Variants in PRRG1 observed in about 807,000 individuals in gnomAD.
PRRG1 encodes transmembrane gamma-carboxyglutamic acid protein 1.
A neutral mutation model predicts 11.8 loss-of-function variants in PRRG1; 5 were observed. That is an observed-to-expected ratio of 0.42 (90% confidence interval 0.22 to 0.89). The LOEUF (loss-of-function observed/expected upper bound fraction) is 0.89. PRRG1 is among the 40% of genes least tolerant of loss of function. PRRG1 has a pLI of 0.28. For synonymous variants in PRRG1, 66 were observed against 60.4 expected (o/e 1.09, Z -0.43); for missense variants, 155 against 166.1 (o/e 0.93, Z 0.37).
At chrX:37,354,673 G>A (rs782387348) in intron 1 of PRRG1, among the ~76,000 whole-genome samples, 22 of 111,042 alleles carry the variant, frequency 2.0e-4, no homozygotes, top group Middle Eastern at 9.3e-3. Context: ...GATTACAGGC[G>A]TGAGCCACCA....
intron 3 of PRRG1, among the ~76,000 whole-genome samples, chrX:37,452,539 G>C (rs1192174240): frequency 1.8e-5 from 2 of 112,097 alleles, no homozygotes; most frequent in Non-Finnish European, 3.8e-5. Flanking sequence ...CCAGCCTGAG[G>C]TCTCTCCTAG....
At chrX:37,361,343 A>G (rs782254907) in intron 1 of PRRG1, among the ~76,000 whole-genome samples, 2,326 of 110,548 alleles carry the variant, frequency 0.021, 24 homozygotes, top group Middle Eastern at 0.042. Flanking sequence ...CTCAGTCAAA[A>G]AAAAAAAAAA....
chrX:37,407,631 G>A (rs1018199453), intron 2 of PRRG1, among the ~76,000 whole-genome samples: 3 of 111,924 alleles, frequency 2.7e-5, no homozygotes, highest in African/African-American at 6.5e-5. Flanking sequence ...GAAAGTTGTC[G>A]TTGGCATAAT....
intron 1 of PRRG1, among the ~76,000 whole-genome samples, chrX:37,381,851 G>A (rs782464592): frequency 1.8e-5 from 2 of 111,382 alleles, no homozygotes; most frequent in African/African-American, 6.5e-5. Flanking sequence ...CACCAATTAA[G>A]TGATATCCAG....
chrX:37,391,964 ATACT>A (rs1689292445), intron 1 of PRRG1, among the ~76,000 whole-genome samples: 1 of 110,164 alleles, frequency 9.1e-6, no homozygotes, highest in African/African-American at 3.3e-5. Flanking sequence ...TGTTTCAATG[ATACT>A]TACACTGGGC....
chrX:37,367,675 C>T (rs1930620368), intron 1 of PRRG1, among the ~76,000 whole-genome samples: 1 of 111,821 alleles, frequency 8.9e-6, no homozygotes, highest in Admixed American at 9.4e-5. Flanking sequence ...ATAAGGTATA[C>T]CTAGTTTCTA....
chrX:37,412,277 G>A (rs1556384074), intron 2 of PRRG1, among the ~76,000 whole-genome samples: 2 of 111,438 alleles, frequency 1.8e-5, no homozygotes, highest in Non-Finnish European at 3.8e-5. Flanking sequence ...TTAGTGGAAG[G>A]CAAGATGGTT....
rs1930151425 is a variant in PRRG1, at chrX:37,353,933, A to G, written c.-42+4538A>G. ...TCTAGCACATAGTAGTGCTTTTAAA[A>G]TGTTAGCTGTTGTTATTTATGTCTG... On this transcript the variant is annotated intron_variant, in intron 1 of 3. Transcript: ENST00000378628. Among the ~76,000 whole-genome samples the G allele has an allele frequency of 1.8e-5, 2 of 112,653 alleles. 1 individual carries two copies. Among genetic ancestry groups the G allele is most frequent in the Admixed American group, 1.9e-4 (2 of 10,709 alleles).
intron 3 of PRRG1, among the ~76,000 whole-genome samples, chrX:37,442,666 C>CT (rs782355325): frequency 3.6e-5 from 4 of 110,861 alleles, no homozygotes; most frequent in Admixed American, 2.9e-4. Context: ...TTCATGAACA[C>CT]TTTTTTTTAA....
intron 1 of PRRG1, among the ~76,000 whole-genome samples, chrX:37,401,664 G>A: frequency 9.0e-6 from 1 of 111,125 alleles, no homozygotes; most frequent in South Asian, 3.9e-4. Context: ...GAAATAAAGG[G>A]TATTCAATTA....
chrX:37,368,171 G>A (rs1569436010), intron 1 of PRRG1, among the ~76,000 whole-genome samples: 1 of 111,975 alleles, frequency 8.9e-6, no homozygotes, highest in Non-Finnish European at 1.9e-5. Flanking sequence ...TGGATGTATT[G>A]TTCTATGAAT....
intron 3 of PRRG1, among the ~76,000 whole-genome samples, chrX:37,437,970 G>C (rs1198926713): frequency 5.4e-5 from 6 of 110,206 alleles, no homozygotes; most frequent in African/African-American, 2.0e-4. Flanking sequence ...TTCTATGGGA[G>C]GCTGAGGTGG....
chrX:37,414,199 A>G (rs1221293651), intron 2 of PRRG1, among the ~76,000 whole-genome samples: 4 of 111,644 alleles, frequency 3.6e-5, no homozygotes, highest in African/African-American at 6.5e-5. Context: ...CCATTTTTAT[A>G]TGCTTGTTTT....
chrX:37,361,317 G>A (rs1930404860), intron 1 of PRRG1, among the ~76,000 whole-genome samples: 1 of 108,368 alleles, frequency 9.2e-6, no homozygotes, highest in Admixed American at 9.7e-5. Flanking sequence ...ACTCCAGCCT[G>A]GGCGACAGAG....
chrX:37,443,383 T>G lies in PRRG1; in HGVS notation c.172-9753T>G, dbSNP rs781798483. The stretch of plus-strand genomic sequence containing the variant: ...CTTATTAGGTATCCAAATGGAAACG[T>G]GAATCAAGTAGATGGAAAAATGAAT... On this transcript the variant is annotated intron_variant, in intron 3 of 3. Transcript: ENST00000378628. 2.7e-5 allele frequency among the ~76,000 whole-genome samples: 3 copies of G among 111,641 alleles called. No individual in the cohort carries two copies. In the South Asian group the frequency reaches 1.1e-3, roughly 43 times the overall value.
intron 1 of PRRG1, among the ~76,000 whole-genome samples, chrX:37,399,880 A>G (rs1931895744): frequency 9.1e-6 from 1 of 109,959 alleles, no homozygotes; most frequent in Admixed American, 9.7e-5. Context: ...CAAAAGAGAC[A>G]AAGAAGGCCA....
rs189332000 is a variant in PRRG1, at chrX:37,357,587, C to T, written c.-42+8192C>T. ...GTGCCATTTTGACATGATGAAATCT[C>T]GCAACATCCTACCACATTCTGCCCA... On this transcript the variant is annotated intron_variant, in intron 1 of 3. Coordinates refer to ENST00000378628, the MANE Select transcript of PRRG1 (RefSeq NM_001142395.2). Among the ~76,000 whole-genome samples the T allele has an allele frequency of 8.9e-5, 10 of 111,938 alleles. No individual in the cohort carries two copies. The East Asian group carries it at 2.5e-3, about 28-fold the overall frequency.
intron 1 of PRRG1, among the ~76,000 whole-genome samples, chrX:37,390,956 T>C: frequency 8.9e-6 from 1 of 112,373 alleles, no homozygotes; most frequent in East Asian, 2.8e-4. Context: ...GCCCCAGGAA[T>C]GATTCTGACC....
At chrX:37,417,374 A>G (rs1556385463) in intron 2 of PRRG1, among the ~76,000 whole-genome samples, 1 of 111,554 alleles carries the variant, frequency 9.0e-6, no homozygotes, top group Non-Finnish European at 1.9e-5. Flanking sequence ...ATTCCTGTGT[A>G]AACATATACT....
Sources: gnomAD v4.1 joint callset for allele counts (sites outside exome capture counted in the v4.1 genomes callset) on GRCh38, gnomAD v4.1.1 for gene constraint, MANE v1.5 for transcripts, NCBI Gene and HGNC (gene_info 2026-07-23, HGNC 2026-07-21) for gene names.